PTPRE: variants seen among roughly 807,000 people sequenced by gnomAD.
The protein encoded by PTPRE is protein tyrosine phosphatase receptor type E, also known as receptor-type tyrosine-protein phosphatase epsilon.
A neutral mutation model predicts 102.0 loss-of-function variants in PTPRE; 51 were observed. The ratio of observed to expected loss-of-function variants is 0.50; its 90% CI spans 0.40 to 0.63. PTPRE has a LOEUF of 0.63. Among genes scored for constraint, PTPRE ranks in the 30% least tolerant of loss-of-function variants. The probability of loss-of-function intolerance (pLI) is 0.00; values close to 1 mark genes in which losing one functional copy is unlikely to be tolerated. For synonymous variants in PTPRE, 345 were observed against 348.2 expected, an observed-to-expected ratio of 0.99 and a Z score of 0.10; for missense variants, 752 against 915.1, an observed-to-expected ratio of 0.82 and a Z score of 2.30.
In PTPRE at chr10:128,077,635, G is replaced by A. The variant is rs768162013; in HGVS notation, c.1744G>A (p.Glu582Lys). Residue 582 changes from glutamate to lysine, a missense_variant, in exon 19 of 21, where the codon GAG becomes AAG. Physicochemically the swap from Glu to Lys is moderately conservative, Grantham distance 56. Around this residue, in one of 2 missense-constraint regions of PTPRE, gnomAD observed 636 missense variants for 824.4 expected, o/e 0.77. Transcript: ENST00000254667. ...TLNQPQARQE[E>K]QVRVVRQFHF... is the part of the protein sequence containing the mutation. ...CCTGCAGCCCCAGGCCCGCCAGGAGGAGCAGGTCCGAGTAGTGCGCCAGTT... is the reference window on the plus strand; with the variant it reads ...CCTGCAGCCCCAGGCCCGCCAGGAGAAGCAGGTCCGAGTAGTGCGCCAGTT... 1.1e-5 allele frequency: 18 copies of A among 1,611,088 alleles called. No individual in the cohort carries two copies. The highest frequency in any genetic ancestry group is 1.7e-4 in the Middle Eastern group (1 of 5,982).
At chr10:127,942,469 A>G (rs1432719944) in intron 1 of PTPRE, among the ~76,000 whole-genome samples, 1 of 152,252 alleles carries the variant, frequency 6.6e-6, no homozygotes, top group Non-Finnish European at 1.5e-5. Context: ...ACCAAATCCT[A>G]CAAAATGTCC....
At chr10:127,946,831 C>A (rs1174360585) in intron 1 of PTPRE, among the ~76,000 whole-genome samples, 2 of 152,024 alleles carry the variant, frequency 1.3e-5, no homozygotes, top group African/African-American at 4.8e-5. Context: ...CCCAGGAGTT[C>A]GAGACCAACC....
chr10:128,000,195 A>C (rs1853724694), intron 2 of PTPRE, among the ~76,000 whole-genome samples: 1 of 152,156 alleles, frequency 6.6e-6, no homozygotes, highest in South Asian at 2.1e-4. Flanking sequence ...TGGTGGGGTA[A>C]CAGTTTGGTT....
chr10:127,974,599 G>A (rs532057831), intron 1 of PTPRE, among the ~76,000 whole-genome samples: 1 of 152,274 alleles, frequency 6.6e-6, no homozygotes, highest in Admixed American at 6.5e-5. Context: ...AGGAGGCTGA[G>A]GTTCTGTCCA....
chr10:128,011,131 TTC>T (rs1215460020), intron 2 of PTPRE, among the ~76,000 whole-genome samples: 8 of 152,178 alleles, frequency 5.3e-5, no homozygotes, highest in Non-Finnish European at 8.8e-5. Flanking sequence ...TAATGGGTAA[TTC>T]TCTCTGTCAT....
intron 2 of PTPRE, among the ~76,000 whole-genome samples, chr10:128,034,218 C>T (rs945583396): frequency 6.6e-6 from 1 of 152,064 alleles, no homozygotes; most frequent in African/African-American, 2.4e-5. Flanking sequence ...GTGAATCTTT[C>T]TGCAAACAAG....
At chr10:127,979,060 G>T (rs946777169) in intron 1 of PTPRE, among the ~76,000 whole-genome samples, 1 of 152,144 alleles carries the variant, frequency 6.6e-6, no homozygotes, top group African/African-American at 2.4e-5. Context: ...AAATAATAAA[G>T]TGGGTCTTGC....
chr10:128,044,407 C>G (rs571763056), intron 3 of PTPRE, among the ~76,000 whole-genome samples: 1 of 152,350 alleles, frequency 6.6e-6, no homozygotes, highest in South Asian at 2.1e-4. Context: ...CCTGGAAGAC[C>G]CCGGCTCTTG....
chr10:128,024,672 C>T (rs534679544), intron 2 of PTPRE, among the ~76,000 whole-genome samples: 1 of 152,300 alleles, frequency 6.6e-6, no homozygotes, highest in African/African-American at 2.4e-5. Context: ...TCGGGCAGAC[C>T]CTGTGCCTGT....
At chr10:127,925,415 C>T (rs894493625) in intron 1 of PTPRE, among the ~76,000 whole-genome samples, 3 of 152,148 alleles carry the variant, frequency 2.0e-5, no homozygotes, top group South Asian at 2.1e-4. Context: ...TTTCTGACCC[C>T]GGGTGGATTA....
intron 1 of PTPRE, among the ~76,000 whole-genome samples, chr10:127,960,881 C>G (rs1036268734): frequency 6.6e-6 from 1 of 151,920 alleles, no homozygotes; most frequent in Non-Finnish European, 1.5e-5. Flanking sequence ...ATTAGCCGGG[C>G]GTGGTGGTGG....
At chr10:128,016,906 C>T (rs1845480759) in intron 2 of PTPRE, among the ~76,000 whole-genome samples, 1 of 152,238 alleles carries the variant, frequency 6.6e-6, no homozygotes, top group Non-Finnish European at 1.5e-5. Flanking sequence ...CCTTGGCTCC[C>T]TCTGCCCCAG....
chr10:127,967,126 A>G (rs1208722159), intron 1 of PTPRE, among the ~76,000 whole-genome samples: 1 of 152,214 alleles, frequency 6.6e-6, no homozygotes, highest in Non-Finnish European at 1.5e-5. Context: ...AAGACTGCTA[A>G]GGGCAGATGA....
At chr10:127,917,019 T>A (rs1846254194) in intron 1 of PTPRE, among the ~76,000 whole-genome samples, 2 of 151,214 alleles carry the variant, frequency 1.3e-5, no homozygotes, top group South Asian at 4.2e-4. Context: ...TGAGAAGGGG[T>A]CCCCTGCTGG....
chr10:128,077,737 AAGC>A lies in PTPRE; in HGVS notation c.1858_1860del (p.Gln620del), dbSNP rs745739508. ...GATTGACCTCATCGCAGCCGTGCAGAAGCAGCAGCAGCAGACAGGCAACCACCC... is the reference window on the plus strand; with the variant it reads ...GATTGACCTCATCGCAGCCGTGCAGAAGCAGCAGCAGACAGGCAACCACCC... On this transcript the variant is annotated inframe_deletion, in exon 19 of 21. Transcript: ENST00000254667. The A allele has an allele frequency of 1.8e-5, 29 of 1,609,302 alleles. No homozygotes were observed. The highest frequency in any genetic ancestry group is 3.3e-5 in the Admixed American group (2 of 59,912).
intron 1 of PTPRE, among the ~76,000 whole-genome samples, chr10:127,955,085 C>T (rs1333152664): frequency 6.6e-6 from 1 of 151,996 alleles, no homozygotes; most frequent in Non-Finnish European, 1.5e-5. Flanking sequence ...ATAGTGGAGG[C>T]AAGGAAGATC....
intron 2 of PTPRE, among the ~76,000 whole-genome samples, chr10:128,040,584 G>A (rs1187600295): frequency 6.6e-6 from 1 of 152,018 alleles, no homozygotes; most frequent in Non-Finnish European, 1.5e-5. Context: ...AGGGGTCTGG[G>A]ATGAGATCAC....
At chr10:127,925,636 C>T (rs771899073) in intron 1 of PTPRE, among the ~76,000 whole-genome samples, 35 of 152,172 alleles carry the variant, frequency 2.3e-4, no homozygotes, top group Non-Finnish European at 4.4e-4. Flanking sequence ...CTGTGGTCCA[C>T]GGCCACTGAG....
chr10:128,021,271 T>A (rs1450203329), intron 2 of PTPRE, among the ~76,000 whole-genome samples: 1 of 152,176 alleles, frequency 6.6e-6, no homozygotes, highest in Admixed American at 6.5e-5. Flanking sequence ...ACCCTGCATC[T>A]GAAGTGGCAG....
Sources: gnomAD v4.1 joint callset for allele counts (sites outside exome capture counted in the v4.1 genomes callset) on GRCh38, gnomAD v4.1.1 for gene constraint, gnomAD v4.1.1 regional missense constraint, MANE v1.5 for transcripts, NCBI Gene and HGNC (gene_info 2026-07-23, HGNC 2026-07-21) for gene names.